The following CWC22 variants were observed in gnomAD, a reference collection of about 807,000 sequenced individuals.
The protein encoded by CWC22 is CWC22 spliceosome associated protein.
CWC22 carries 53 observed loss-of-function variants against 117.2 expected under a neutral mutation model. That is an observed-to-expected ratio of 0.45 (90% CI 0.36 to 0.57). The LOEUF (loss-of-function observed/expected upper bound fraction) is 0.57. Ranked by LOEUF, CWC22 falls within the 20% of genes least tolerant of loss-of-function variation. CWC22 has a pLI of 0.00. For missense variants in CWC22, 980 were observed against 1,068.8 expected (o/e 0.92, Z 1.16); for synonymous variants, 360 against 355.6 (o/e 1.01, Z -0.14).
chr2:179,971,990 C>T (rs149793989), intron 8 of CWC22, among the ~76,000 whole-genome samples: 1 of 152,090 alleles, frequency 6.6e-6, no homozygotes, highest in Non-Finnish European at 1.5e-5. Context: ...TTTATCATAT[C>T]GAGTGTTTCA....
rs960248023 is a variant in CWC22 at position 179,952,602 on chromosome 2, A to G, written c.1690-4T>C. On this transcript the variant is annotated splice_polypyrimidine_tract_variant and splice_region_variant and intron_variant, in intron 16 of 19. Coordinates refer to ENST00000410053, the MANE Select transcript of CWC22 (RefSeq NM_020943.3). ...TCAGTTTTATACATTCAAGAACCTG[A>G]AAATTAAAATAAAAAAAGACAAGTA... 2.9e-6 allele frequency: 4 copies of G among 1,387,304 alleles called. No individual in the cohort carries two copies. The African/African-American group carries it at 5.9e-5, about 21-fold the overall frequency. The allele number at this position is 1,387,304 out of a possible 1,614,324, so 85.9% of individuals were successfully genotyped here.
intron 11 of CWC22, among the ~76,000 whole-genome samples, chr2:179,966,306 T>C (rs1268867308): frequency 6.6e-6 from 1 of 152,150 alleles, no homozygotes; most frequent in Admixed American, 6.5e-5. Context: ...TAGAAGTTAG[T>C]ATATGGGAGT....
intron 19 of CWC22, 28 bp downstream of exon 19, chr2:179,950,483 CA>C: frequency 7.1e-7 from 1 of 1,404,124 alleles, no homozygotes; most frequent in African/African-American, 1.4e-5. Flanking sequence ...TAGAAAAGAG[CA>C]AGCCAAATTA....
intron 7 of CWC22, 136 bp from the exon 8 acceptor site, chr2:179,973,382 C>T: frequency 1.5e-6 from 1 of 678,882 alleles, no homozygotes; most frequent in African/African-American, 1.8e-5. Context: ...AAGAAAGTTA[C>T]AAAATAAAAC....
At chr2:179,981,523 C>T (rs1282666798) in intron 5 of CWC22, among the ~76,000 whole-genome samples, 1 of 152,098 alleles carries the variant, frequency 6.6e-6, no homozygotes, top group African/African-American at 2.4e-5. Flanking sequence ...TTTCCTCAAA[C>T]TTTTTAATTC....
chr2:179,997,487 A>T (rs2105560837), intron 1 of CWC22, among the ~76,000 whole-genome samples: 1 of 152,252 alleles, frequency 6.6e-6, no homozygotes, highest in South Asian at 2.1e-4. Context: ...CAACAAGATG[A>T]CTCTGTTGAA....
chr2:179,951,075 A>G, intron 17 of CWC22, 149 bp from the exon 18 acceptor site: 1 of 583,184 alleles, frequency 1.7e-6, no homozygotes, highest in Non-Finnish European at 3.0e-6. Flanking sequence ...AGGTTAGGCT[A>G]CGTGCTATCT....
chr2:179,988,483 A>C lies in CWC22; in HGVS notation c.95+94T>G. ...GTTATAAAACCATTAAAAAGAAGTTATCCACCCTAAAATTAGAAATCTAAG... is the reference window on the plus strand; with the variant it reads ...GTTATAAAACCATTAAAAAGAAGTTCTCCACCCTAAAATTAGAAATCTAAG... On this transcript the variant is annotated intron_variant, in intron 3 of 19. Coordinates refer to ENST00000410053, the MANE Select transcript of CWC22 (RefSeq NM_020943.3). The C allele has an allele frequency of 6.0e-6, 4 of 667,768 alleles. No individual in the cohort carries two copies. In the South Asian group the frequency reaches 8.2e-5, roughly 14 times the overall value. The allele number at this position is 667,768 out of a possible 1,614,324, so 41.4% of individuals were successfully genotyped here.
intron 16 of CWC22, among the ~76,000 whole-genome samples, chr2:179,953,941 T>G (rs1686519678): frequency 6.6e-6 from 1 of 152,132 alleles, no homozygotes; most frequent in South Asian, 2.1e-4. Context: ...TCTGCAGTAC[T>G]TTTCCTGAAG....
At chr2:179,956,761 C>T (rs1686601596) in intron 14 of CWC22, among the ~76,000 whole-genome samples, 1 of 151,278 alleles carries the variant, frequency 6.6e-6, no homozygotes, top group South Asian at 2.1e-4. Flanking sequence ...ATGTTAACTT[C>T]ATATACGAAA....
chr2:179,981,691 C>T, intron 5 of CWC22, 61 bp downstream of exon 5: 1 of 1,424,888 alleles, frequency 7.0e-7, no homozygotes, highest in Non-Finnish European at 9.8e-7. Flanking sequence ...AATTAAACCA[C>T]AGTTGACTTA....
At chr2:179,953,428 G>A (rs537700344) in intron 16 of CWC22, among the ~76,000 whole-genome samples, 1 of 152,004 alleles carries the variant, frequency 6.6e-6, no homozygotes, top group East Asian at 1.9e-4. Flanking sequence ...AATTCCTTTA[G>A]TAATTTTGCT....
chr2:180,003,403 T>G (rs1376891056), intron 1 of CWC22, among the ~76,000 whole-genome samples: 1 of 152,134 alleles, frequency 6.6e-6, no homozygotes, highest in East Asian at 1.9e-4. Flanking sequence ...TTCAAACCAC[T>G]CTCTCCTGTC....
At chr2:179,979,604 T>C (rs1687237277) in intron 5 of CWC22, among the ~76,000 whole-genome samples, 1 of 152,154 alleles carries the variant, frequency 6.6e-6, no homozygotes. Context: ...GTATCACTGA[T>C]ATTGTTTAGT....
chr2:180,007,251 C>T lies in CWC22; in HGVS notation c.-498G>A, dbSNP rs1159711311. 6.6e-6 allele frequency: 1 copy of T among 152,230 alleles called. No individual in the cohort carries two copies. The highest frequency in any genetic ancestry group is 1.9e-4 in the East Asian group (1 of 5,204). 9.4% of individuals were successfully genotyped at this position (152,230 alleles called of 1,614,324 possible). ...TAATACCAGAGTCAAAGTAGTCGAT[C>T]CAGGCACACTGTCTTGTTGCCAAAA... On this transcript the variant is annotated 5_prime_UTR_variant, in exon 1 of 20. Transcript: ENST00000410053.
chr2:179,968,576 T>C (rs929929844), intron 11 of CWC22, among the ~76,000 whole-genome samples: 15 of 150,218 alleles, frequency 1.0e-4, no homozygotes, highest in Non-Finnish European at 4.5e-5. Context: ...CAATTTTTCT[T>C]TTTTTTTTTG....
chr2:179,981,751 C>T lies in CWC22; in HGVS notation c.452+1G>A, dbSNP rs1687292831. ...TTGTATACTGATTGATATAAACATG[C>T]CTGTTTTTATCTGTAATCTGTTCCT... On this transcript the variant is annotated splice_donor_variant, in intron 5 of 19. Coordinates refer to ENST00000410053, the MANE Select transcript of CWC22 (RefSeq NM_020943.3). LOFTEE classifies it high-confidence loss of function. The T allele has an allele frequency of 6.2e-7, 1 of 1,611,534 alleles. No individual in the cohort carries two copies. Among genetic ancestry groups the T allele is most frequent in the Non-Finnish European group, 8.5e-7 (1 of 1,178,132 alleles).
intron 1 of CWC22, among the ~76,000 whole-genome samples, chr2:179,999,460 T>G (rs1227624372): frequency 6.6e-6 from 1 of 152,172 alleles, no homozygotes; most frequent in East Asian, 1.9e-4. Flanking sequence ...TTCTCTCAGT[T>G]TCATCAAGCA....
intron 8 of CWC22, among the ~76,000 whole-genome samples, chr2:179,972,299 A>G (rs4894141): frequency 0.51 from 77,374 of 151,952 alleles, 22,281 homozygotes; most frequent in Non-Finnish European, 0.66. Context: ...GAAACTTTTG[A>G]GTATGAGCAA....
Sources: allele counts gnomAD v4.1 joint callset (sites outside exome capture counted in the v4.1 genomes callset), GRCh38; gene constraint gnomAD v4.1.1; transcripts MANE v1.5; gene names NCBI Gene and HGNC (gene_info 2026-07-23, HGNC 2026-07-21).